The following SMARCC1 variants were observed in gnomAD, a reference collection of about 807,000 sequenced individuals.
SMARCC1 encodes SWI/SNF complex subunit SMARCC1.
Under a neutral mutation model 147.4 loss-of-function variants are expected in SMARCC1, and 43 were observed. The observed-to-expected ratio is 0.29, with a 90% CI of 0.23 to 0.38. SMARCC1 has a LOEUF of 0.38. Among genes scored for constraint, SMARCC1 ranks in the 10% least tolerant of loss-of-function variants. SMARCC1 has a pLI of 1.00. For missense variants in SMARCC1, 1,119 were observed against 1,381.1 expected (o/e 0.81, Z 3.01); for synonymous variants, 495 against 484.4 (o/e 1.02, Z -0.29).
At chr3:47,647,532 T>C (rs919834996) in intron 21 of SMARCC1, among the ~76,000 whole-genome samples, 16 of 152,190 alleles carry the variant, frequency 1.1e-4, no homozygotes, top group African/African-American at 3.6e-4. Context: ...CCAAGAACCA[T>C]CTGTATAGCA....
chr3:47,722,007 G>C (rs2034238227), intron 6 of SMARCC1, among the ~76,000 whole-genome samples: 1 of 152,102 alleles, frequency 6.6e-6, no homozygotes, highest in Non-Finnish European at 1.5e-5. Context: ...GGGCAAAAAT[G>C]AGTCTCCATC....
chr3:47,767,761 G>A lies in SMARCC1; in HGVS notation c.315+5056C>T, dbSNP rs376688047. Among the ~76,000 whole-genome samples, 15 of 151,260 alleles carry A rather than the reference G, an allele frequency of 9.9e-5. No homozygotes were observed. The East Asian group carries it at 1.6e-3, about 16-fold the overall frequency. On this transcript the variant is annotated intron_variant, in intron 2 of 27. Transcript: ENST00000254480. ...TGGGCGCCTGTAATCCCAGGTCCTCGGGAGGCTGAGGCAGGAGAATAGTTT... is the reference window on the plus strand; with the variant it reads ...TGGGCGCCTGTAATCCCAGGTCCTCAGGAGGCTGAGGCAGGAGAATAGTTT...
intron 21 of SMARCC1, among the ~76,000 whole-genome samples, chr3:47,652,596 C>T (rs1381355684): frequency 6.8e-6 from 1 of 146,830 alleles, no homozygotes; most frequent in Non-Finnish European, 1.5e-5. Context: ...TATGTAACCT[C>T]TCCATGCCTC....
rs1193315351 is a variant in SMARCC1, at chr3:47,594,812, T to C, written c.3044-3975A>G. 3.3e-5 allele frequency among the ~76,000 whole-genome samples: 5 copies of C among 152,248 alleles called. No homozygotes were observed. In the East Asian group the frequency reaches 9.7e-4, roughly 29 times the overall value. On this transcript the variant is annotated intron_variant, in intron 26 of 27. Transcript: ENST00000254480. ...GCGGGACTGTGAGGCCACATGCTTGTAGATCCACAAACCAGTAAGAAATAA... is the reference window on the plus strand; with the variant it reads ...GCGGGACTGTGAGGCCACATGCTTGCAGATCCACAAACCAGTAAGAAATAA...
chr3:47,625,262 C>A lies in SMARCC1; in HGVS notation c.2647-2921G>T, dbSNP rs972266853. Among the ~76,000 whole-genome samples the A allele has an allele frequency of 4.7e-5, 7 of 149,732 alleles. No individual in the cohort carries two copies. In the East Asian group the frequency reaches 1.4e-3, roughly 31 times the overall value. On this transcript the variant is annotated intron_variant, in intron 24 of 27. Coordinates refer to ENST00000254480, the MANE Select transcript of SMARCC1 (RefSeq NM_003074.4). The stretch of plus-strand genomic sequence containing the variant: ...ATCACTTGAGGCCAGGAGTTTGATA[C>A]CAGCTTGGCCAACATGGCAAAATCC...
At chr3:47,769,315 G>A (rs937368310) in intron 2 of SMARCC1, among the ~76,000 whole-genome samples, 69 of 150,966 alleles carry the variant, frequency 4.6e-4, no homozygotes, top group Admixed American at 1.8e-3. Context: ...AGGAGTTCAA[G>A]ACCAGCCTGG....
chr3:47,734,645 A>G (rs554233343), intron 5 of SMARCC1, among the ~76,000 whole-genome samples: 4 of 152,344 alleles, frequency 2.6e-5, no homozygotes, highest in African/African-American at 9.6e-5. Flanking sequence ...GTCACATGTA[A>G]TCACAAACTT....
At chr3:47,675,394 T>G (rs1289617468) in intron 18 of SMARCC1, 81 bp downstream of exon 18, 1 of 654,574 alleles carries the variant, frequency 1.5e-6, no homozygotes, top group Non-Finnish European at 2.7e-6. Context: ...ACCATCAGAT[T>G]TGAGTAGAAA....
Position 47,661,430 on chromosome 3 carries a change from C to T in SMARCC1, c.2184G>A (p.Glu728=), listed in dbSNP as rs143755756. 6.2e-7 allele frequency: 1 copy of T among 1,611,108 alleles called. No individual in the cohort carries two copies. The highest frequency in any genetic ancestry group is 1.3e-5 in the African/African-American group (1 of 74,726). Residue 728 remains glutamate (E), a synonymous_variant, in exon 21 of 28, where the codon GAG becomes GAA. Transcript: ENST00000254480. ...ALEEFSRVRE[E]VPLELVEAHV... is the part of the protein sequence containing the mutation. The stretch of plus-strand genomic sequence containing the variant: ...GAGCTTCAACCAATTCCAGTGGTAC[C>T]TCCTCCCGGACCCGAGAAAACTCCT...
At chr3:47,696,461 T>C (rs901572000) in intron 11 of SMARCC1, among the ~76,000 whole-genome samples, 3 of 151,112 alleles carry the variant, frequency 2.0e-5, no homozygotes, top group Non-Finnish European at 4.4e-5. Flanking sequence ...CCTTTTCAAG[T>C]AGTATAAGCA....
chr3:47,637,075 C>G (rs1340819902), intron 22 of SMARCC1, among the ~76,000 whole-genome samples: 1 of 152,026 alleles, frequency 6.6e-6, no homozygotes, highest in Admixed American at 6.5e-5. Flanking sequence ...GAGGCAGGGT[C>G]CCCCTATGTT....
At chr3:47,738,135 T>A (rs1422161307) in intron 3 of SMARCC1, 25 bp from the exon 4 acceptor site, 1 of 1,493,844 alleles carries the variant, frequency 6.7e-7, no homozygotes, top group Middle Eastern at 1.7e-4. Flanking sequence ...AAACCCTAGT[T>A]AATTTGTCTC....
At chr3:47,672,277 C>G (rs1009333531) in intron 18 of SMARCC1, among the ~76,000 whole-genome samples, 2 of 151,736 alleles carry the variant, frequency 1.3e-5, no homozygotes, top group Admixed American at 1.3e-4. Context: ...TGCAGTGGCA[C>G]GATCTTGGCT....
rs570858227 is a variant in SMARCC1, at chr3:47,707,326, A to C, written c.919-796T>G. ...GACTCCGTCTCAAAGAAGGAAAAAA[A>C]AAAAAAGTCAACCTTTATAAGTAAA... On this transcript the variant is annotated intron_variant, in intron 9 of 27. Coordinates refer to ENST00000254480, the MANE Select transcript of SMARCC1 (RefSeq NM_003074.4). Among the ~76,000 whole-genome samples the C allele has an allele frequency of 1.8e-4, 28 of 152,128 alleles. 2 individuals are homozygous for C. The East Asian group carries it at 5.4e-3, about 29-fold the overall frequency.
chr3:47,722,486 G>A (rs559826963), intron 6 of SMARCC1, among the ~76,000 whole-genome samples: 3 of 151,550 alleles, frequency 2.0e-5, no homozygotes, highest in South Asian at 2.1e-4. Context: ...TAGTAGAGAC[G>A]GGGTTTCTCC....
rs55872948 is a variant in SMARCC1 at position 47,652,949 on chromosome 3, C to CTTT, written c.2320+8342_2320+8344dup. 4.6e-3 allele frequency among the ~76,000 whole-genome samples: 598 copies of CTTT among 129,640 alleles called. 14 individuals are homozygous for CTTT. The highest frequency in any genetic ancestry group is 0.016 in the African/African-American group (543 of 34,918). The allele number at this position is 129,640 out of a possible 152,430, so 85.0% of individuals were successfully genotyped here. A position where few individuals can be genotyped will look rare whatever the true frequency, so the allele number is the denominator to read the frequency against. ...TTGAGTGTTCATCCAGCTTTACTTTCTTTTTTTTTTTTTTTTTTGAGACGG... is the reference window on the plus strand; with the variant it reads ...TTGAGTGTTCATCCAGCTTTACTTTCTTTTTTTTTTTTTTTTTTTTTGAGACGG... On this transcript the variant is annotated intron_variant, in intron 21 of 27. Coordinates refer to ENST00000254480, the MANE Select transcript of SMARCC1 (RefSeq NM_003074.4).
intron 2 of SMARCC1, among the ~76,000 whole-genome samples, chr3:47,749,211 G>A (rs1331892034): frequency 5.9e-5 from 9 of 151,986 alleles, no homozygotes; most frequent in Admixed American, 5.9e-4. Context: ...GGCTGAGGTG[G>A]GAGGATCACT....
chr3:47,609,505 A>G (rs11711725), intron 26 of SMARCC1, among the ~76,000 whole-genome samples: 4 of 151,968 alleles, frequency 2.6e-5, no homozygotes, highest in Non-Finnish European at 5.9e-5. Context: ...TCAAAAAAAA[A>G]AAAAAGACTC....
At chr3:47,609,077 T>G (rs1436076615) in intron 26 of SMARCC1, among the ~76,000 whole-genome samples, 1 of 152,074 alleles carries the variant, frequency 6.6e-6, no homozygotes, top group African/African-American at 2.4e-5. Flanking sequence ...TTAAGAGACA[T>G]GTCAACAAAT....
Sources: gnomAD v4.1 joint callset for allele counts (sites outside exome capture counted in the v4.1 genomes callset) on GRCh38, gnomAD v4.1.1 for gene constraint, MANE v1.5 for transcripts, NCBI Gene and HGNC (gene_info 2026-07-23, HGNC 2026-07-21) for gene names.